Variants in MIR2052HG observed in about 807,000 individuals in gnomAD.
The protein encoded by MIR2052HG is MIR2052 host gene.
intron 2 of MIR2052HG, among the ~76,000 whole-genome samples, chr8:74,672,058 G>A (rs1486074881): frequency 6.6e-6 from 1 of 152,126 alleles, no homozygotes; most frequent in East Asian, 1.9e-4. Context: ...CCTGCTAATT[G>A]TAAATATCAA....
chr8:74,696,767 A>G (rs750253090), intron 2 of MIR2052HG, among the ~76,000 whole-genome samples: 4 of 151,812 alleles, frequency 2.6e-5, no homozygotes, highest in Admixed American at 6.6e-5. Context: ...AGATTAAACC[A>G]GGAAGAAATA....
intron 2 of MIR2052HG, among the ~76,000 whole-genome samples, chr8:74,634,670 A>T (rs893540627): frequency 6.6e-6 from 1 of 152,168 alleles, no homozygotes; most frequent in African/African-American, 2.4e-5. Flanking sequence ...GAGTAAAGAC[A>T]TTATCTTTAA....
intron 4 of MIR2052HG, among the ~76,000 whole-genome samples, chr8:74,725,210 A>C (rs1294714419): frequency 6.6e-6 from 1 of 152,248 alleles, no homozygotes; most frequent in Admixed American, 6.5e-5. Flanking sequence ...CTGTGGCTGC[A>C]GAGCTGCACT....
intron 2 of MIR2052HG, among the ~76,000 whole-genome samples, chr8:74,665,305 T>G (rs919047198): frequency 1.2e-4 from 19 of 152,348 alleles, no homozygotes; most frequent in Admixed American, 1.2e-3. Context: ...CGCATCGATA[T>G]GCTTGGCCCT....
At chr8:74,738,125 G>GTATC (rs760548566) in intron 4 of MIR2052HG, among the ~76,000 whole-genome samples, 7,848 of 132,600 alleles carry the variant, frequency 0.059, 491 homozygotes, top group African/African-American at 0.18. Context: ...ATGTATGTAT[G>GTATC]TATGTATGTA....
At chr8:74,609,714 T>C (rs1400252115) in intron 1 of MIR2052HG, 2 of 149,344 alleles carry the variant, frequency 1.3e-5, no homozygotes, top group East Asian at 1.9e-4. Flanking sequence ...GTAATAAATG[T>C]ATTTTATTTA....
chr8:74,637,169 C>A (rs747941457), intron 2 of MIR2052HG, among the ~76,000 whole-genome samples: 8 of 151,980 alleles, frequency 5.3e-5, no homozygotes, highest in Non-Finnish European at 1.0e-4. Context: ...TAAACTGGGT[C>A]TAGGAAGATG....
chr8:74,742,849 G>A (rs1047469594), intron 4 of MIR2052HG, among the ~76,000 whole-genome samples: 6 of 152,088 alleles, frequency 3.9e-5, no homozygotes, highest in African/African-American at 1.4e-4. Context: ...TTTAACCAAG[G>A]GAGAAGAGAT....
intron 4 of MIR2052HG, among the ~76,000 whole-genome samples, chr8:74,749,921 G>T (rs1586931398): frequency 6.8e-6 from 1 of 147,254 alleles, no homozygotes; most frequent in African/African-American, 2.5e-5. Context: ...AGACATTTTT[G>T]AACTAAGAGT....
rs73687176 is a variant in MIR2052HG, at chr8:74,612,663, T to A, written n.129-190T>A. The A allele has an allele frequency of 2.5e-3, 809 of 330,110 alleles. 6 individuals are homozygous for A. The highest frequency in any genetic ancestry group is 0.016 in the African/African-American group (746 of 46,350). The allele number at this position is 330,110 out of a possible 1,614,324, so 20.4% of individuals were successfully genotyped here. On this transcript the variant is annotated intron_variant and non_coding_transcript_variant, in intron 1 of 6. Transcript: ENST00000523442. ...TCTAATCATCTTTACCTTTAGAAAG[T>A]CTGGAAAATGACCATTTGTCTGAAT... is the stretch of plus-strand genomic sequence containing the variant.
chr8:74,632,995 G>A (rs1808536015), intron 2 of MIR2052HG, among the ~76,000 whole-genome samples: 2 of 151,856 alleles, frequency 1.3e-5, no homozygotes, highest in South Asian at 4.2e-4. Flanking sequence ...ATGACTATAT[G>A]ATATATCCTA....
chr8:74,692,236 G>C (rs927196756), intron 2 of MIR2052HG, among the ~76,000 whole-genome samples: 2 of 152,130 alleles, frequency 1.3e-5, no homozygotes, highest in African/African-American at 4.8e-5. Context: ...AATTACAGGA[G>C]TGCATCACTG....
At chr8:74,735,232 C>T (rs1809733534) in intron 4 of MIR2052HG, among the ~76,000 whole-genome samples, 1 of 152,178 alleles carries the variant, frequency 6.6e-6, no homozygotes, top group South Asian at 2.1e-4. Context: ...ATAAATGTTT[C>T]TGTTCTTCCT....
intron 2 of MIR2052HG, among the ~76,000 whole-genome samples, chr8:74,663,739 A>G (rs1808891337): frequency 6.6e-6 from 1 of 152,200 alleles, no homozygotes; most frequent in African/African-American, 2.4e-5. Flanking sequence ...TGTTCTTTGA[A>G]AATTTGGGGA....
chr8:74,742,760 G>A (rs1809843815), intron 4 of MIR2052HG, among the ~76,000 whole-genome samples: 1 of 152,146 alleles, frequency 6.6e-6, no homozygotes, highest in Non-Finnish European at 1.5e-5. Flanking sequence ...AGGTGTCTTT[G>A]CTGTGGTTCT....
intron 4 of MIR2052HG, among the ~76,000 whole-genome samples, chr8:74,733,473 G>C (rs369679900): frequency 1.3e-5 from 2 of 150,868 alleles, no homozygotes; most frequent in Non-Finnish European, 3.0e-5. Flanking sequence ...TCTTAATCCA[G>C]TCTATCATTG....
At chr8:74,733,210 T>G (rs1259632503) in intron 4 of MIR2052HG, among the ~76,000 whole-genome samples, 2 of 152,098 alleles carry the variant, frequency 1.3e-5, no homozygotes, top group Non-Finnish European at 2.9e-5. Flanking sequence ...TAGGTATCTC[T>G]CCTAAAGCTA....
At position 74,713,561 on chromosome 8, in the gene MIR2052HG, C is replaced by T. The variant is rs554605615; in HGVS notation, n.371+9879C>T. ...CCTTAATTTTTTACTTCTCCCATCT[C>T]TTCTCTCATCTCCTACTGATGCCAT... On this transcript the variant is annotated intron_variant and non_coding_transcript_variant, in intron 4 of 6. Transcript: ENST00000523442. 5.9e-5 allele frequency among the ~76,000 whole-genome samples: 9 copies of T among 152,006 alleles called. No individual in the cohort carries two copies. In the South Asian group the frequency reaches 1.7e-3, roughly 28 times the overall value.
At chr8:74,602,841 C>CTTTCTTTCTTTCTTTCTTTCTTTCTTTCT (rs1563508579) in intron 1 of MIR2052HG, among the ~76,000 whole-genome samples, 29 of 139,960 alleles carry the variant, frequency 2.1e-4, no homozygotes, top group Admixed American at 3.7e-4. Flanking sequence ...TTCTTTCTTT[C>CTTTCTTTCTTTCTTTCTTTCTTTCTTTCT]TTTCTTTCTT....
Sources: allele counts gnomAD v4.1 joint callset (sites outside exome capture counted in the v4.1 genomes callset), GRCh38; gene constraint gnomAD v4.1.1; transcripts MANE v1.5; gene names NCBI Gene and HGNC (gene_info 2026-07-23, HGNC 2026-07-21).